NGEF: variants seen among roughly 807,000 people sequenced by gnomAD.
The protein encoded by NGEF is neuronal guanine nucleotide exchange factor.
In NGEF, 31 loss-of-function variants were observed where a neutral mutation model predicts 80.9. That is an observed-to-expected ratio of 0.38 (90% CI 0.29 to 0.52). NGEF has a LOEUF of 0.52. Ranked by LOEUF, NGEF falls within the 20% of genes least tolerant of loss-of-function variation. NGEF has a pLI of 0.84. For missense variants in NGEF, 709 were observed against 926.2 expected, an observed-to-expected ratio of 0.77 and a Z score of 3.04; for synonymous variants, 371 against 370.2, an observed-to-expected ratio of 1.00 and a Z score of -0.03.
chr2:232,910,455 T>TG (rs1335534810), intron 5 of NGEF, among the ~76,000 whole-genome samples: 792 of 25,512 alleles, frequency 0.031, 6 homozygotes, highest in Middle Eastern at 0.091. Context: ...AGGTGGGGGG[T>TG]GGGGGGGGTA....
At chr2:232,887,984 T>G in intron 9 of NGEF, 49 bp downstream of exon 9, 100 of 1,429,080 alleles carry the variant, frequency 7.0e-5, no homozygotes, top group Non-Finnish European at 9.3e-5. Context: ...TGTGCCTGGA[T>G]GAGGAAAACA....
At chr2:232,982,193 T>G (rs1694445119) in intron 1 of NGEF, among the ~76,000 whole-genome samples, 1 of 152,100 alleles carries the variant, frequency 6.6e-6, no homozygotes, top group Admixed American at 6.6e-5. Context: ...CAGGTGACAC[T>G]GAAACATCAT....
intron 1 of NGEF, among the ~76,000 whole-genome samples, chr2:233,003,947 A>G (rs1014445503): frequency 6.6e-6 from 1 of 151,992 alleles, no homozygotes; most frequent in Non-Finnish European, 1.5e-5. Flanking sequence ...CTTTTTAACC[A>G]ACAGACCCAG....
chr2:232,970,398 C>T (rs1030079408), intron 2 of NGEF, 70 bp from the exon 3 acceptor site: 6 of 1,005,844 alleles, frequency 6.0e-6, no homozygotes, highest in Non-Finnish European at 7.5e-6. Flanking sequence ...TCTCTGTAAG[C>T]CTAGGACAGT....
intron 5 of NGEF, 67 bp from the exon 6 acceptor site, chr2:232,894,983 G>A: frequency 6.7e-7 from 1 of 1,498,170 alleles, no homozygotes; most frequent in Non-Finnish European, 9.1e-7. Flanking sequence ...AGCCTTGGCT[G>A]AGACAGAGGA....
chr2:232,963,893 A>T (rs1694004493), intron 3 of NGEF, among the ~76,000 whole-genome samples: 1 of 152,218 alleles, frequency 6.6e-6, no homozygotes, highest in South Asian at 2.1e-4. Flanking sequence ...TGTTCAAGAT[A>T]TATAGAGAAC....
chr2:232,895,526 T>TA (rs569482466), intron 5 of NGEF, among the ~76,000 whole-genome samples: 30,380 of 137,920 alleles, frequency 0.22, 3,546 homozygotes, highest in Non-Finnish European at 0.27. Flanking sequence ...GACTCTGTCT[T>TA]AAAAAAAAAA....
intron 6 of NGEF, among the ~76,000 whole-genome samples, chr2:232,893,276 C>T (rs1691941672): frequency 6.6e-6 from 1 of 152,156 alleles, no homozygotes; most frequent in South Asian, 2.1e-4. Context: ...CTGGGAGCAC[C>T]AAGAGACCTT....
At chr2:232,900,856 G>A (rs547190178) in intron 5 of NGEF, among the ~76,000 whole-genome samples, 1 of 152,192 alleles carries the variant, frequency 6.6e-6, no homozygotes, top group African/African-American at 2.4e-5. Context: ...GCTGCCCGTG[G>A]GGCCAGGACC....
At chr2:232,885,666 G>A (rs987966304) in intron 9 of NGEF, 2 of 371,124 alleles carry the variant, frequency 5.4e-6, no homozygotes, top group African/African-American at 4.2e-5. Flanking sequence ...CTGTAGGCTG[G>A]ACGGACCGGC....
intron 3 of NGEF, chr2:232,927,866 G>A: frequency 1.6e-6 from 2 of 1,252,604 alleles, no homozygotes; most frequent in Non-Finnish European, 2.0e-6. Context: ...GCGGCGCGCC[G>A]GGGCCGGGAC....
At chr2:232,884,258 T>C in intron 10 of NGEF, 114 bp from the exon 11 acceptor site, 2 of 1,237,238 alleles carry the variant, frequency 1.6e-6, no homozygotes, top group Non-Finnish European at 2.2e-6. Context: ...CCCCGACACA[T>C]GAGGCACAAG....
Position 232,888,969 on chromosome 2 carries a change from G to T in NGEF, c.1273-862C>A, listed in dbSNP as rs1559193147. On this transcript the variant is annotated intron_variant, in intron 8 of 14. Coordinates refer to ENST00000264051, the MANE Select transcript of NGEF (RefSeq NM_019850.3). ...ACGTTTTCTGACTGGCTTTTGTCCT[G>T]TAAGTAGGCTGGGTGCATCTGGGCA... 2.0e-5 allele frequency among the ~76,000 whole-genome samples: 3 copies of T among 152,182 alleles called. No homozygotes were observed. In the South Asian group the frequency reaches 6.2e-4, roughly 32 times the overall value.
At chr2:232,932,401 G>A (rs1341097417) in intron 3 of NGEF, among the ~76,000 whole-genome samples, 1 of 151,898 alleles carries the variant, frequency 6.6e-6, no homozygotes, top group Non-Finnish European at 1.5e-5. Flanking sequence ...TCCTGACCTC[G>A]TGATCCACCC....
In NGEF at chr2:232,982,030, G is replaced by A. The variant is rs1387919945; in HGVS notation, c.-74-7066C>T. 2.6e-5 allele frequency among the ~76,000 whole-genome samples: 4 copies of A among 152,298 alleles called. 1 individual carries two copies. The highest frequency in any genetic ancestry group is 6.8e-3 in the Middle Eastern group (2 of 294). Reference sequence around the variant, plus strand: ...AGCCCATTGCAGGGGAGGTACTGGTGAGGAGCAGGTCACAGGGGAGGCCAC... The same window carrying A: ...AGCCCATTGCAGGGGAGGTACTGGTAAGGAGCAGGTCACAGGGGAGGCCAC... On this transcript the variant is annotated intron_variant, in intron 1 of 14. Coordinates refer to ENST00000264051, the MANE Select transcript of NGEF (RefSeq NM_019850.3).
chr2:232,945,984 A>T lies in NGEF; in HGVS notation c.384-18798T>A, dbSNP rs571975493. 3.3e-5 allele frequency among the ~76,000 whole-genome samples: 5 copies of T among 151,798 alleles called. No homozygotes were observed. The South Asian group carries it at 1.0e-3, about 32-fold the overall frequency. ...AAACTCAAATGCCCATCAATCAACT[A>T]GTGGATAAACTGTGATATCCATATA... On this transcript the variant is annotated intron_variant, in intron 3 of 14. Transcript: ENST00000264051.
chr2:232,927,824 C>A (rs1166990306), intron 3 of NGEF: 47 of 1,091,226 alleles, frequency 4.3e-5, no homozygotes, highest in Non-Finnish European at 5.0e-5. Flanking sequence ...GCCCGGGACC[C>A]CGGGCGCAAG....
intron 8 of NGEF, among the ~76,000 whole-genome samples, chr2:232,889,654 C>T (rs2675957): frequency 0.62 from 94,763 of 152,134 alleles, 29,797 homozygotes; most frequent in African/African-American, 0.67. Flanking sequence ...ATATTTCCCA[C>T]GGAACTGCGT....
Position 232,927,126 on chromosome 2 carries a change from G to C in NGEF, c.444C>G (p.Asp148Glu). ...GGGCCTCGGTGAGCGTGGTGGGGCT[G>C]TCGGCCAGGGCCGGCCACTCCTCGG... ...ATPEEWPALA[D>E]SPTTLTEALR... Residue 148 changes from aspartate (D) to glutamate (E), a missense_variant, in exon 4 of 15, where the codon GAC becomes GAG. Asp to Glu is a conservative substitution (Grantham distance 45). Coordinates refer to ENST00000264051, the MANE Select transcript of NGEF (RefSeq NM_019850.3). The C allele has an allele frequency of 1.2e-6, 2 of 1,612,472 alleles. No homozygotes were observed. Among genetic ancestry groups the C allele is most frequent in the Non-Finnish European group, 1.7e-6 (2 of 1,179,522 alleles).
Sources: gnomAD v4.1 joint callset for allele counts (sites outside exome capture counted in the v4.1 genomes callset) on GRCh38, gnomAD v4.1.1 for gene constraint, MANE v1.5 for transcripts, NCBI Gene and HGNC (gene_info 2026-07-23, HGNC 2026-07-21) for gene names.